The following ZFPM2 variants were observed in gnomAD, a reference collection of about 807,000 sequenced individuals.
ZFPM2 encodes zinc finger protein ZFPM2.
In ZFPM2, 20 loss-of-function variants were observed where a neutral mutation model predicts 98.6. The observed-to-expected ratio is 0.20, with a 90% confidence interval of 0.14 to 0.29. ZFPM2 has a LOEUF of 0.29. ZFPM2 is among the 10% of genes least tolerant of loss of function. The pLI, the probability that ZFPM2 is intolerant of heterozygous loss-of-function variation, is 1.00. For missense variants in ZFPM2, 1,310 were observed against 1,388.6 expected (o/e 0.94, Z 0.90); for synonymous variants, 518 against 502.7 (o/e 1.03, Z -0.41).
chr8:105,644,834 C>T (rs1047654312), intron 5 of ZFPM2, among the ~76,000 whole-genome samples: 3 of 152,086 alleles, frequency 2.0e-5, no homozygotes, highest in Non-Finnish European at 4.4e-5. Context: ...GTACACTCAT[C>T]CCATTATGAG....
chr8:105,669,635 G>A (rs1817552183), intron 5 of ZFPM2, among the ~76,000 whole-genome samples: 1 of 151,624 alleles, frequency 6.6e-6, no homozygotes, highest in Non-Finnish European at 1.5e-5. Flanking sequence ...CATCAGCTTA[G>A]GATAGACTTT....
chr8:105,373,850 G>A (rs1810670352), intron 1 of ZFPM2, among the ~76,000 whole-genome samples: 1 of 152,124 alleles, frequency 6.6e-6, no homozygotes, highest in South Asian at 2.1e-4. Flanking sequence ...CATACAATAG[G>A]CAGAGACTTT....
intron 1 of ZFPM2, among the ~76,000 whole-genome samples, chr8:105,391,894 C>T (rs1246502339): frequency 1.3e-5 from 2 of 152,150 alleles, no homozygotes; most frequent in Admixed American, 6.5e-5. Context: ...TTTTGACTTC[C>T]TCCCATGAAT....
intron 3 of ZFPM2, among the ~76,000 whole-genome samples, chr8:105,475,689 G>C (rs1472021612): frequency 6.6e-6 from 1 of 152,246 alleles, no homozygotes; most frequent in African/African-American, 2.4e-5. Flanking sequence ...TTTAGGGAAT[G>C]GTTTTTTCAT....
At chr8:105,738,390 A>G (rs1370542585) in intron 5 of ZFPM2, among the ~76,000 whole-genome samples, 1 of 152,036 alleles carries the variant, frequency 6.6e-6, no homozygotes, top group Non-Finnish European at 1.5e-5. Context: ...TGTGGTGTCT[A>G]TGTACCACGT....
chr8:105,606,841 A>C (rs1419319799), intron 4 of ZFPM2, among the ~76,000 whole-genome samples: 5 of 152,122 alleles, frequency 3.3e-5, no homozygotes, highest in Admixed American at 3.3e-4. Flanking sequence ...TATATAATTA[A>C]AGGAAGAACT....
intron 5 of ZFPM2, among the ~76,000 whole-genome samples, chr8:105,653,051 A>T (rs189507679): frequency 5.4e-4 from 83 of 152,338 alleles, no homozygotes; most frequent in African/African-American, 2.0e-3. Flanking sequence ...TGGACTGTGA[A>T]AGACATTTAG....
chr8:105,724,798 A>G (rs114516355), intron 5 of ZFPM2, among the ~76,000 whole-genome samples: 1,561 of 151,906 alleles, frequency 0.01, 32 homozygotes, highest in African/African-American at 0.036. Flanking sequence ...GTAGTGAATG[A>G]TTAAAGTGTC....
At chr8:105,507,459 G>A (rs577895436) in intron 3 of ZFPM2, among the ~76,000 whole-genome samples, 2 of 152,186 alleles carry the variant, frequency 1.3e-5, no homozygotes, top group Admixed American at 6.5e-5. Flanking sequence ...ATGATTATGG[G>A]CAAGTCACTT....
chr8:105,697,434 A>G (rs1191392985), intron 5 of ZFPM2, among the ~76,000 whole-genome samples: 1 of 152,194 alleles, frequency 6.6e-6, no homozygotes, highest in Non-Finnish European at 1.5e-5. Flanking sequence ...GGTATTTTAA[A>G]GACAGCTTAT....
chr8:105,488,082 C>T (rs970793211), intron 3 of ZFPM2, among the ~76,000 whole-genome samples: 2 of 152,022 alleles, frequency 1.3e-5, no homozygotes, highest in Admixed American at 6.6e-5. Context: ...CCCACCACAA[C>T]AGTACATTTG....
chr8:105,339,839 T>C (rs1273360671), intron 1 of ZFPM2, among the ~76,000 whole-genome samples: 2 of 151,952 alleles, frequency 1.3e-5, no homozygotes, highest in Non-Finnish European at 2.9e-5. Context: ...ATTCTTTTAG[T>C]CCAAAAACTT....
At chr8:105,586,850 A>ATATATATATATATTT (rs574260416) in intron 4 of ZFPM2, among the ~76,000 whole-genome samples, 6 of 120,944 alleles carry the variant, frequency 5.0e-5, no homozygotes, top group East Asian at 4.3e-4. Context: ...TAAATATTTT[A>ATATATATATATATTT]TATATATATA....
intron 3 of ZFPM2, among the ~76,000 whole-genome samples, chr8:105,467,404 G>T (rs1455007323): frequency 6.6e-6 from 1 of 152,032 alleles, no homozygotes; most frequent in African/African-American, 2.4e-5. Flanking sequence ...GCACATAGAG[G>T]TGCTCAGTTA....
chr8:105,398,619 A>G (rs534006407), intron 1 of ZFPM2, among the ~76,000 whole-genome samples: 2 of 152,018 alleles, frequency 1.3e-5, no homozygotes, highest in African/African-American at 2.4e-5. Flanking sequence ...TGCAACCTAG[A>G]TCCCTCACAT....
At chr8:105,437,607 T>C (rs952524025) in intron 2 of ZFPM2, among the ~76,000 whole-genome samples, 2 of 152,214 alleles carry the variant, frequency 1.3e-5, no homozygotes, top group Admixed American at 6.5e-5. Flanking sequence ...CATCTTAAAA[T>C]GTCTTCTGGA....
chr8:105,362,852 G>A (rs1230427981), intron 1 of ZFPM2, among the ~76,000 whole-genome samples: 2 of 152,134 alleles, frequency 1.3e-5, no homozygotes, highest in African/African-American at 4.8e-5. Context: ...AATCAGAAGA[G>A]TCACACATAG....
At chr8:105,598,549 GTTC>G (rs1816021782) in intron 4 of ZFPM2, among the ~76,000 whole-genome samples, 1 of 152,058 alleles carries the variant, frequency 6.6e-6, no homozygotes, top group African/African-American at 2.4e-5. Context: ...AAAATGATCA[GTTC>G]TTCTTTTTCT....
chr8:105,465,504 C>T (rs372897354), intron 3 of ZFPM2, among the ~76,000 whole-genome samples: 32 of 151,798 alleles, frequency 2.1e-4, no homozygotes, highest in African/African-American at 3.9e-4. Flanking sequence ...ACACAAAAAA[C>T]GCAAAGCCAA....
Sources: allele counts gnomAD v4.1 joint callset (sites outside exome capture counted in the v4.1 genomes callset), GRCh38; gene constraint gnomAD v4.1.1; transcripts MANE v1.5; gene names NCBI Gene and HGNC (gene_info 2026-07-23, HGNC 2026-07-21).